TTBK2: variants seen among roughly 807,000 people sequenced by gnomAD.
TTBK2 encodes the protein tau-tubulin kinase 2.
A neutral mutation model predicts 110.8 loss-of-function variants in TTBK2; 28 were observed. That is an observed-to-expected ratio of 0.25 (90% CI 0.19 to 0.35). The LOEUF is 0.35. TTBK2 is among the 10% of genes least tolerant of loss of function. The probability of loss-of-function intolerance (pLI) is 1.00; values close to 1 mark genes in which losing one functional copy is unlikely to be tolerated. For missense variants in TTBK2, 1,369 were observed against 1,500.3 expected, an observed-to-expected ratio of 0.91 and a Z score of 1.45; for synonymous variants, 532 against 527.3, an observed-to-expected ratio of 1.01 and a Z score of -0.12.
intron 1 of TTBK2, among the ~76,000 whole-genome samples, chr15:42,894,084 T>C (rs1440339394): frequency 6.6e-6 from 1 of 152,206 alleles, no homozygotes; most frequent in East Asian, 1.9e-4. Context: ...GCTGTTCTCA[T>C]GATGGTGAGT....
chr15:42,804,008 C>CAAAAAAAAAAAAAAAAAAAA (rs781131720), intron 9 of TTBK2, among the ~76,000 whole-genome samples: 1 of 51,066 alleles, frequency 2.0e-5, no homozygotes, highest in Admixed American at 2.6e-4. Flanking sequence ...GCGAGGAGTG[C>CAAAAAAAAAAAAAAAAAAAA]AAAAAAAAAA....
chr15:42,752,937 A>G lies in TTBK2; in HGVS notation c.2309T>C (p.Phe770Ser), dbSNP rs1346882422. ...PDHNRLVVRE[F>S]ENLPGETEEK... is the part of the protein sequence containing the mutation. ...TTCAGTTTCCCCAGGGAGATTTTCA[A>G]ATTCTCTCACAACCAGTCTATTATG... Residue 770 changes from phenylalanine to serine, a missense_variant, in exon 14 of 15, where the codon TTT becomes TCT. Transcript: ENST00000267890. The G allele has an allele frequency of 1.2e-6, 2 of 1,614,116 alleles. No individual in the cohort carries two copies. The highest frequency in any genetic ancestry group is 1.7e-6 in the Non-Finnish European group (2 of 1,180,052).
intron 1 of TTBK2, among the ~76,000 whole-genome samples, chr15:42,913,156 G>T (rs949921522): frequency 3.0e-4 from 39 of 131,684 alleles, no homozygotes; most frequent in African/African-American, 1.1e-3. Context: ...AAAAAAAAAA[G>T]AGCTCCTCTG....
chr15:42,762,165 G>C (rs1284364169), intron 13 of TTBK2, among the ~76,000 whole-genome samples: 1 of 152,098 alleles, frequency 6.6e-6, no homozygotes, highest in Non-Finnish European at 1.5e-5. Flanking sequence ...CTCAGTCTTG[G>C]GTATGTCTTT....
intron 1 of TTBK2, among the ~76,000 whole-genome samples, chr15:42,889,937 T>G (rs1016326884): frequency 1.3e-5 from 2 of 152,218 alleles, no homozygotes; most frequent in Non-Finnish European, 2.9e-5. Context: ...TGTATTTTTC[T>G]TATTAATATA....
chr15:42,857,455 G>C (rs1893988119), intron 3 of TTBK2: 1 of 151,962 alleles, frequency 6.6e-6, no homozygotes, highest in Non-Finnish European at 1.5e-5. Context: ...AGGAGTTCAA[G>C]ACTGCAGTTA....
chr15:42,883,524 TA>T (rs1463050781), intron 1 of TTBK2, among the ~76,000 whole-genome samples: 1 of 151,852 alleles, frequency 6.6e-6, no homozygotes, highest in Non-Finnish European at 1.5e-5. Context: ...GTAATAACTC[TA>T]AGTAGATGGT....
chr15:42,780,263 G>A (rs1890127708), intron 11 of TTBK2, among the ~76,000 whole-genome samples: 1 of 147,890 alleles, frequency 6.8e-6, no homozygotes. Flanking sequence ...GAACTCCTGG[G>A]CTCTAGTGTT....
In TTBK2 at chr15:42,752,572, G is replaced by A; in HGVS notation, c.2674C>T (p.His892Tyr). The A allele has an allele frequency of 6.2e-7, 1 of 1,614,110 alleles. No individual in the cohort carries two copies. The highest frequency in any genetic ancestry group is 1.3e-5 in the African/African-American group (1 of 75,018). The change falls in exon 14 of 15, where the codon CAT becomes TAT. Residue 892 changes from histidine to tyrosine, a missense_variant. By Grantham distance (83) the His-to-Tyr change is moderately conservative. Around this residue, in one of 4 missense-constraint regions of TTBK2, gnomAD observed 1,097 missense variants for 1,114.7 expected, o/e 0.98. Transcript: ENST00000267890. Reference protein sequence around the residue: ...DDIMSEDLPGHQGDLSTFLHQ... With the variant: ...DDIMSEDLPGYQGDLSTFLHQ... The stretch of plus-strand genomic sequence containing the variant: ...AAAAAAGTAGAGAGGTCTCCTTGAT[G>A]ACCTGGCAAGTCTTCACTCATGATG...
chr15:42,818,613 G>C lies in TTBK2; in HGVS notation c.538-1516C>G, dbSNP rs191003154. Among the ~76,000 whole-genome samples the C allele has an allele frequency of 3.5e-3, 527 of 152,066 alleles. 2 individuals carry two copies. The highest frequency in any genetic ancestry group is 0.012 in the African/African-American group (502 of 41,520). ...CAGGTGCCTGTAGTCCCAGCTACTC[G>C]GGAGGCAGAGGCAGGAGAATGGCGT... On this transcript the variant is annotated intron_variant, in intron 6 of 14. Coordinates refer to ENST00000267890, the MANE Select transcript of TTBK2 (RefSeq NM_173500.4).
chr15:42,776,090 T>C (rs1393172865), intron 12 of TTBK2, among the ~76,000 whole-genome samples: 1 of 152,172 alleles, frequency 6.6e-6, no homozygotes, highest in Non-Finnish European at 1.5e-5. Context: ...TGTAGACATG[T>C]GCTTACATAA....
At position 42,742,493 on chromosome 15, in the gene TTBK2, G is replaced by A. The variant is rs1385969999; in HGVS notation, c.*3302C>T. 6.6e-6 allele frequency: 1 copy of A among 152,182 alleles called. No individual in the cohort carries two copies. Among genetic ancestry groups the A allele is most frequent in the Non-Finnish European group, 1.5e-5 (1 of 68,038 alleles). The allele number at this position is 152,182 out of a possible 1,614,324, so 9.4% of individuals were successfully genotyped here. A position where few individuals can be genotyped will look rare whatever the true frequency, so the allele number is the denominator to read the frequency against. Reference sequence around the variant, plus strand: ...TCTACGCTGTGCAAGAAATCACTATGTGTGATTTTACTATTTCAACCAATC... The same window carrying A: ...TCTACGCTGTGCAAGAAATCACTATATGTGATTTTACTATTTCAACCAATC... On this transcript the variant is annotated 3_prime_UTR_variant, in exon 15 of 15. Transcript: ENST00000267890.
rs1373950086 is a variant in TTBK2 at position 42,742,670 on chromosome 15, A to C, written c.*3125T>G. The stretch of plus-strand genomic sequence containing the variant: ...ACTGTGACTGACTAGGTAACCAGCT[A>C]TTCTGTTGTGACAGAAGAAACCAGG... On this transcript the variant is annotated 3_prime_UTR_variant, in exon 15 of 15. Transcript: ENST00000267890. The C allele has an allele frequency of 6.6e-6, 1 of 152,250 alleles. No homozygotes were observed. The highest frequency in any genetic ancestry group is 1.5e-5 in the Non-Finnish European group (1 of 68,042). The allele number at this position is 152,250 out of a possible 1,614,324, so 9.4% of individuals were successfully genotyped here.
At chr15:42,793,761 T>C (rs979152496) in intron 10 of TTBK2, among the ~76,000 whole-genome samples, 6 of 149,614 alleles carry the variant, frequency 4.0e-5, no homozygotes, top group African/African-American at 1.5e-4. Flanking sequence ...GGCAGGAAAA[T>C]CGCTTGAACC....
At chr15:42,904,307 G>T (rs1234695545) in intron 1 of TTBK2, among the ~76,000 whole-genome samples, 6 of 152,074 alleles carry the variant, frequency 3.9e-5, no homozygotes, top group African/African-American at 1.5e-4. Context: ...ATGACCACAG[G>T]TTCCTTTTTT....
chr15:42,908,664 G>C (rs2030561292), intron 1 of TTBK2, among the ~76,000 whole-genome samples: 2 of 152,146 alleles, frequency 1.3e-5, no homozygotes, highest in African/African-American at 2.4e-5. Context: ...TAATCGTCCA[G>C]TGTACATGCC....
intron 10 of TTBK2, among the ~76,000 whole-genome samples, chr15:42,793,876 A>C (rs555765584): frequency 6.6e-6 from 1 of 152,098 alleles, no homozygotes; most frequent in Non-Finnish European, 1.5e-5. Context: ...TGAGTGGTAT[A>C]ATGTCCCAAT....
intron 14 of TTBK2, among the ~76,000 whole-genome samples, chr15:42,750,757 C>G (rs955569056): frequency 6.6e-6 from 1 of 151,940 alleles, no homozygotes; most frequent in Non-Finnish European, 1.5e-5. Flanking sequence ...ATACAACATC[C>G]CAGAAGCTCA....
At chr15:42,819,075 T>C (rs188135002) in intron 6 of TTBK2, among the ~76,000 whole-genome samples, 1 of 151,612 alleles carries the variant, frequency 6.6e-6, no homozygotes, top group East Asian at 1.9e-4. Context: ...GACACACTTT[T>C]CATTAGTATA....
Sources: gnomAD v4.1 joint callset for allele counts (sites outside exome capture counted in the v4.1 genomes callset) on GRCh38, gnomAD v4.1.1 for gene constraint, gnomAD v4.1.1 regional missense constraint, MANE v1.5 for transcripts, NCBI Gene and HGNC (gene_info 2026-07-23, HGNC 2026-07-21) for gene names.